GPHN: variants seen among roughly 807,000 people sequenced by gnomAD.
GPHN encodes gephyrin.
In GPHN, 17 loss-of-function variants were observed where a neutral mutation model predicts 95.5. The ratio of observed to expected loss-of-function variants is 0.18; its 90% CI spans 0.12 to 0.27. GPHN has a LOEUF of 0.27. Among genes scored for constraint, GPHN ranks in the 10% least tolerant of loss-of-function variants. The probability of loss-of-function intolerance (pLI) is 1.00; values close to 1 mark genes in which losing one functional copy is unlikely to be tolerated. For missense variants in GPHN, 660 were observed against 978.1 expected (o/e 0.67, Z 4.34); for synonymous variants, 320 against 322.5 (o/e 0.99, Z 0.08).
the GPHN span, among the ~76,000 whole-genome samples, chr14:67,699,017 G>A: frequency 1.9e-3 from 282 of 152,194 alleles, 1 homozygote; most frequent in Non-Finnish European, 3.4e-3. Context: ...TTGGGAGGCC[G>A]AAATGGATGG....
intron 18 of GPHN, among the ~76,000 whole-genome samples, chr14:67,155,911 A>G (rs2081554618): frequency 1.3e-5 from 2 of 152,178 alleles, no homozygotes; most frequent in Admixed American, 1.3e-4. Flanking sequence ...AAAACTAACA[A>G]ATGATTTAAA....
chr14:66,641,312 A>T (rs1346148239), intron 1 of GPHN, among the ~76,000 whole-genome samples: 2 of 152,158 alleles, frequency 1.3e-5, no homozygotes, highest in African/African-American at 2.4e-5. Flanking sequence ...TGCAGTTTCC[A>T]CTCAGCCAAG....
intron 11 of GPHN, among the ~76,000 whole-genome samples, chr14:67,068,768 G>T (rs907572765): frequency 6.6e-6 from 1 of 152,162 alleles, no homozygotes; most frequent in Admixed American, 6.5e-5. Flanking sequence ...GCTGTTGGAA[G>T]TAAGTTTGGA....
At chr14:66,846,156 G>C (rs541161625) in intron 4 of GPHN, among the ~76,000 whole-genome samples, 3 of 152,186 alleles carry the variant, frequency 2.0e-5, no homozygotes, top group African/African-American at 7.2e-5. Flanking sequence ...ACAATTTTAG[G>C]GGGGGTGATT....
chr14:67,499,895 C>T, the GPHN span, among the ~76,000 whole-genome samples: 1 of 152,094 alleles, frequency 6.6e-6, no homozygotes, highest in African/African-American at 2.4e-5. Context: ...ATTCATCCTC[C>T]ACCATCTGAA....
At chr14:66,727,059 A>G (rs949615240) in intron 2 of GPHN, among the ~76,000 whole-genome samples, 1 of 152,214 alleles carries the variant, frequency 6.6e-6, no homozygotes, top group African/African-American at 2.4e-5. Context: ...TAATTGAATC[A>G]TGGTGGCTGG....
At chr14:67,599,303 A>G in the GPHN span, among the ~76,000 whole-genome samples, 1 of 152,230 alleles carries the variant, frequency 6.6e-6, no homozygotes, top group Non-Finnish European at 1.5e-5. Context: ...TCACAAAGTT[A>G]CTGCATTTAA....
the GPHN span, among the ~76,000 whole-genome samples, chr14:67,191,185 G>A: frequency 6.6e-6 from 1 of 152,158 alleles, no homozygotes; most frequent in Non-Finnish European, 1.5e-5. Flanking sequence ...AGTGAGCCAA[G>A]ATCACACCAC....
At chr14:66,757,477 C>A (rs2058604601) in intron 2 of GPHN, among the ~76,000 whole-genome samples, 1 of 152,160 alleles carries the variant, frequency 6.6e-6, no homozygotes, top group Non-Finnish European at 1.5e-5. Context: ...GCAGCCTCCA[C>A]CTCCTGGGTT....
At chr14:67,571,387 A>G in the GPHN span, 7 of 207,050 alleles carry the variant, frequency 3.4e-5, no homozygotes, top group South Asian at 8.1e-4. Context: ...TGGAGATGCA[A>G]TCATTGATTG....
chr14:66,559,730 G>A (rs1415831684), intron 1 of GPHN, among the ~76,000 whole-genome samples: 32 of 151,494 alleles, frequency 2.1e-4, no homozygotes, highest in Admixed American at 2.6e-4. Context: ...CTGTGCAGAA[G>A]CTCTTTAGTT....
At chr14:67,074,644 G>C (rs1051896888) in intron 11 of GPHN, among the ~76,000 whole-genome samples, 3 of 152,134 alleles carry the variant, frequency 2.0e-5, no homozygotes, top group African/African-American at 7.2e-5. Flanking sequence ...AGTGAGGAAG[G>C]CATGTCAAAA....
At chr14:67,664,740 C>G in the GPHN span, among the ~76,000 whole-genome samples, 1 of 152,194 alleles carries the variant, frequency 6.6e-6, no homozygotes, top group Non-Finnish European at 1.5e-5. Context: ...CTCAAGTGAT[C>G]CATCCACCTC....
At chr14:67,583,945 G>A in the GPHN span, 2 of 1,611,978 alleles carry the variant, frequency 1.2e-6, no homozygotes, top group African/African-American at 2.7e-5. Flanking sequence ...CTGGAATGAA[G>A]ACACGTCGGC....
intron 10 of GPHN, among the ~76,000 whole-genome samples, chr14:67,053,589 G>A (rs890564825): frequency 4.6e-5 from 7 of 152,164 alleles, no homozygotes; most frequent in Non-Finnish European, 7.3e-5. Context: ...CTGAAAAGGA[G>A]GGACTCCTCT....
At chr14:67,715,960 C>G in the GPHN span, among the ~76,000 whole-genome samples, 2 of 152,122 alleles carry the variant, frequency 1.3e-5, no homozygotes, top group African/African-American at 2.4e-5. Flanking sequence ...CTTTGGGAGG[C>G]CGAGGCGGGC....
chr14:67,660,079 CCCTCATT>C, the GPHN span: 2 of 739,638 alleles, frequency 2.7e-6, no homozygotes, highest in Non-Finnish European at 4.3e-6. Context: ...TGGCATGTTC[CCCTCATT>C]CTGAATGCCT....
At chr14:66,541,082 G>A (rs976655823) in intron 1 of GPHN, among the ~76,000 whole-genome samples, 2 of 152,176 alleles carry the variant, frequency 1.3e-5, no homozygotes, top group Non-Finnish European at 2.9e-5. Flanking sequence ...TGAGTAGCTG[G>A]AATTACAGGT....
intron 1 of GPHN, among the ~76,000 whole-genome samples, chr14:66,562,955 G>T (rs576753695): frequency 2.2e-4 from 34 of 151,902 alleles, no homozygotes; most frequent in Non-Finnish European, 3.8e-4. Flanking sequence ...CGAAAGTGGC[G>T]TATTTTGGGG....
Sources: gnomAD v4.1 joint callset for allele counts (sites outside exome capture counted in the v4.1 genomes callset) on GRCh38, gnomAD v4.1.1 for gene constraint, MANE v1.5 for transcripts, NCBI Gene and HGNC (gene_info 2026-07-23, HGNC 2026-07-21) for gene names.